The following FHIT variants were observed in gnomAD, a reference collection of about 807,000 sequenced individuals.
The protein encoded by FHIT is fragile histidine triad diadenosine triphosphatase.
In FHIT, 19 loss-of-function variants were observed where a neutral mutation model predicts 17.9. The ratio of observed to expected loss-of-function variants is 1.06; its 90% CI spans 0.74 to 1.56. The LOEUF (loss-of-function observed/expected upper bound fraction) is 1.56, where lower values mean the gene tolerates loss of function less well. Ranked by LOEUF, FHIT falls within the 40% of genes most tolerant of loss-of-function variation. FHIT has a pLI of 0.00. For synonymous variants in FHIT, 81 were observed against 69.7 expected (o/e 1.16, Z -0.81); for missense variants, 248 against 189.2 (o/e 1.31, Z -1.82).
chr3:60,169,844 G>A (rs946464635), intron 5 of FHIT, among the ~76,000 whole-genome samples: 6 of 152,164 alleles, frequency 3.9e-5, no homozygotes, highest in East Asian at 1.9e-4. Context: ...AACAGTTCCC[G>A]GGAGGGAGGA....
chr3:60,163,598 C>A (rs936081437), intron 5 of FHIT, among the ~76,000 whole-genome samples: 1 of 152,126 alleles, frequency 6.6e-6, no homozygotes, highest in Admixed American at 6.5e-5. Flanking sequence ...ACCCTTCAGA[C>A]CTCCCTGGAG....
Position 59,940,190 on chromosome 3 carries a change from G to A in FHIT, c.280-17776C>T, listed in dbSNP as rs373740949. Among the ~76,000 whole-genome samples, 10 of 152,130 alleles carry A rather than the reference G, an allele frequency of 6.6e-5. No individual in the cohort carries two copies. In the East Asian group the frequency reaches 9.6e-4, roughly 15 times the overall value. On this transcript the variant is annotated intron_variant, in intron 7 of 9. Coordinates refer to ENST00000492590, the MANE Select transcript of FHIT (RefSeq NM_002012.4). ...TTAGTACTGCAAAATACCCAGACTA[G>A]TACTTGGAACTTAGTAAGCATAGAT...
intron 3 of FHIT, among the ~76,000 whole-genome samples, chr3:60,960,953 T>C (rs961805560): frequency 2.0e-5 from 3 of 152,214 alleles, no homozygotes; most frequent in Non-Finnish European, 4.4e-5. Flanking sequence ...CACCCAGTAA[T>C]GGGATGGCTG....
intron 5 of FHIT, among the ~76,000 whole-genome samples, chr3:60,389,248 T>G (rs1338253383): frequency 6.6e-6 from 1 of 152,206 alleles, no homozygotes. Flanking sequence ...TACCTGCCTG[T>G]GATTTCATAA....
intron 5 of FHIT, among the ~76,000 whole-genome samples, chr3:60,478,567 G>A (rs1576726909): frequency 6.6e-6 from 1 of 152,202 alleles, no homozygotes; most frequent in Non-Finnish European, 1.5e-5. Context: ...TAACGATCAT[G>A]GTGATGGTGG....
intron 3 of FHIT, among the ~76,000 whole-genome samples, chr3:60,896,037 C>T (rs1381553116): frequency 6.6e-6 from 1 of 152,100 alleles, no homozygotes. Context: ...GCCTGATCTC[C>T]GCCTCCTGTC....
chr3:60,265,473 T>C (rs1360931648), intron 5 of FHIT, among the ~76,000 whole-genome samples: 3 of 152,026 alleles, frequency 2.0e-5, no homozygotes, highest in Admixed American at 6.6e-5. Flanking sequence ...GAAGAAAACA[T>C]ACATGTAAAC....
At chr3:60,135,150 T>C (rs1351751877) in intron 5 of FHIT, among the ~76,000 whole-genome samples, 1 of 151,976 alleles carries the variant, frequency 6.6e-6, no homozygotes, top group African/African-American at 2.4e-5. Flanking sequence ...AAAGGTGCAA[T>C]GTTTTCAAAA....
chr3:60,207,832 G>A (rs1703272199), intron 5 of FHIT, among the ~76,000 whole-genome samples: 1 of 152,150 alleles, frequency 6.6e-6, no homozygotes, highest in African/African-American at 2.4e-5. Flanking sequence ...GTAAGGACAT[G>A]GTAGGGGTAA....
At chr3:60,687,528 T>C (rs1262333031) in intron 4 of FHIT, among the ~76,000 whole-genome samples, 2 of 152,150 alleles carry the variant, frequency 1.3e-5, no homozygotes, top group East Asian at 3.8e-4. Flanking sequence ...AGGCAGAACA[T>C]GGAGGCTGTT....
Position 60,991,430 on chromosome 3 carries a change from G to A in FHIT, c.-111+50617C>T, listed in dbSNP as rs192378936. Among the ~76,000 whole-genome samples, 55 of 152,282 alleles carry A rather than the reference G, an allele frequency of 3.6e-4. No homozygotes were observed. The South Asian group carries it at 5.0e-3, about 14-fold the overall frequency. ...GACAGCCACCGAAGGTTCAAATCTCGGAAATGATAGATTCTATTTGATATT... is the reference window on the plus strand; with the variant it reads ...GACAGCCACCGAAGGTTCAAATCTCAGAAATGATAGATTCTATTTGATATT... On this transcript the variant is annotated intron_variant, in intron 3 of 9. Coordinates refer to ENST00000492590, the MANE Select transcript of FHIT (RefSeq NM_002012.4).
intron 2 of FHIT, among the ~76,000 whole-genome samples, chr3:61,188,015 T>C (rs1175098558): frequency 6.6e-6 from 1 of 151,778 alleles, no homozygotes; most frequent in Non-Finnish European, 1.5e-5. Context: ...CATCACAAAT[T>C]AAAGAACTAG....
At chr3:61,167,595 C>T (rs544961586) in intron 2 of FHIT, among the ~76,000 whole-genome samples, 1 of 135,262 alleles carries the variant, frequency 7.4e-6, no homozygotes, top group East Asian at 2.2e-4. Flanking sequence ...CACCACTGCA[C>T]TCCAGCCTGG....
At chr3:60,533,887 C>G (rs139835434) in intron 5 of FHIT, among the ~76,000 whole-genome samples, 92 of 152,172 alleles carry the variant, frequency 6.0e-4, no homozygotes, top group African/African-American at 2.1e-3. Flanking sequence ...GGCTGTGGTT[C>G]AGATAAAGTT....
chr3:61,239,761 C>CTATATAGATATATA (rs1491311135), intron 1 of FHIT, among the ~76,000 whole-genome samples: 1 of 63,166 alleles, frequency 1.6e-5, no homozygotes, highest in African/African-American at 6.4e-5. Flanking sequence ...AAACAACTGG[C>CTATATAGATATATA]CATATATATA....
At chr3:60,124,106 G>T (rs915815889) in intron 5 of FHIT, among the ~76,000 whole-genome samples, 2 of 145,086 alleles carry the variant, frequency 1.4e-5, no homozygotes, top group Non-Finnish European at 3.0e-5. Context: ...AGACTGGAGT[G>T]CAGTGGCATG....
At chr3:59,921,067 T>C (rs1220820133) in intron 8 of FHIT, among the ~76,000 whole-genome samples, 2 of 152,168 alleles carry the variant, frequency 1.3e-5, no homozygotes, top group Non-Finnish European at 2.9e-5. Flanking sequence ...TAGGGACTGG[T>C]GACTAGACTA....
At chr3:60,926,504 C>G (rs1207825552) in intron 3 of FHIT, among the ~76,000 whole-genome samples, 1 of 152,134 alleles carries the variant, frequency 6.6e-6, no homozygotes, top group Non-Finnish European at 1.5e-5. Context: ...TTCTTTGAAA[C>G]CAATGAGAAC....
At chr3:60,099,617 C>A (rs1704108324) in intron 5 of FHIT, among the ~76,000 whole-genome samples, 1 of 152,080 alleles carries the variant, frequency 6.6e-6, no homozygotes, top group Admixed American at 6.6e-5. Context: ...AGGTGTAAGC[C>A]CTCCTTACTC....
Sources: allele counts gnomAD v4.1 joint callset (sites outside exome capture counted in the v4.1 genomes callset), GRCh38; gene constraint gnomAD v4.1.1; transcripts MANE v1.5; gene names NCBI Gene and HGNC (gene_info 2026-07-23, HGNC 2026-07-21).